Variants in SSBP2 observed in about 807,000 individuals in gnomAD.
The protein encoded by SSBP2 is single stranded DNA binding protein 2, also known as single-stranded DNA-binding protein 2.
Under a neutral mutation model 61.8 loss-of-function variants are expected in SSBP2, and 17 were observed. The ratio of observed to expected loss-of-function variants is 0.28; its 90% CI spans 0.19 to 0.41. SSBP2 has a LOEUF of 0.41. SSBP2 is among the 10% of genes least tolerant of loss of function. The pLI is 1.00. For synonymous variants in SSBP2, 139 were observed against 141.3 expected (o/e 0.98, Z 0.12); for missense variants, 310 against 458.7 (o/e 0.68, Z 2.96).
chr5:81,719,303 C>T (rs1755387134), intron 1 of SSBP2, among the ~76,000 whole-genome samples: 1 of 152,186 alleles, frequency 6.6e-6, no homozygotes, highest in Admixed American at 6.5e-5. Context: ...TCCCCATGCC[C>T]ATCCCCGCTT....
chr5:81,701,887 T>C (rs1405386922), intron 1 of SSBP2, among the ~76,000 whole-genome samples: 1 of 152,228 alleles, frequency 6.6e-6, no homozygotes, highest in African/African-American at 2.4e-5. Context: ...CTCAGAACCC[T>C]GTTAACCAAC....
At chr5:81,595,409 G>C (rs1743619595) in intron 4 of SSBP2, among the ~76,000 whole-genome samples, 1 of 152,132 alleles carries the variant, frequency 6.6e-6, no homozygotes, top group Non-Finnish European at 1.5e-5. Flanking sequence ...TTCTACCAGA[G>C]GTACAAAGAG....
At chr5:81,456,100 T>C (rs1764126114) in intron 10 of SSBP2, among the ~76,000 whole-genome samples, 1 of 152,162 alleles carries the variant, frequency 6.6e-6, no homozygotes, top group African/African-American at 2.4e-5. Flanking sequence ...AAATATTCTA[T>C]TTTAGTGCTT....
chr5:81,477,761 C>T (rs1396810132), intron 6 of SSBP2, among the ~76,000 whole-genome samples: 3 of 151,988 alleles, frequency 2.0e-5, no homozygotes, highest in Non-Finnish European at 4.4e-5. Flanking sequence ...CTGTAAACTC[C>T]GCAAAAGTAG....
intron 1 of SSBP2, among the ~76,000 whole-genome samples, chr5:81,668,090 A>C (rs1751296120): frequency 6.6e-6 from 1 of 152,074 alleles, no homozygotes; most frequent in East Asian, 1.9e-4. Context: ...GAAAATTAGC[A>C]CTGCTTCGTG....
intron 5 of SSBP2, 60 bp from the exon 6 acceptor site, chr5:81,489,369 T>C: frequency 2.1e-6 from 3 of 1,397,298 alleles, no homozygotes; most frequent in Admixed American, 2.6e-5. Flanking sequence ...AAAATACATA[T>C]CTGAAAATAA....
intron 10 of SSBP2, among the ~76,000 whole-genome samples, chr5:81,450,129 C>T (rs1323838092): frequency 2.0e-5 from 3 of 152,136 alleles, no homozygotes; most frequent in Non-Finnish European, 4.4e-5. Context: ...CTCCTGGGCT[C>T]AAGCAATCCT....
intron 10 of SSBP2, 43 bp from the exon 11 acceptor site, chr5:81,448,868 A>G: frequency 6.9e-7 from 1 of 1,441,422 alleles, no homozygotes; most frequent in South Asian, 1.2e-5. Flanking sequence ...TTCATGTAGC[A>G]ATATGGACAC....
intron 4 of SSBP2, among the ~76,000 whole-genome samples, chr5:81,519,989 C>CTT (rs889340422): frequency 5.6e-5 from 8 of 143,442 alleles, no homozygotes; most frequent in Non-Finnish European, 7.6e-5. Flanking sequence ...TTTCCCCCCT[C>CTT]TTTTTTTTTT....
intron 16 of SSBP2, among the ~76,000 whole-genome samples, chr5:81,427,341 T>C (rs1020453990): frequency 1.3e-5 from 2 of 152,158 alleles, no homozygotes; most frequent in Non-Finnish European, 2.9e-5. Flanking sequence ...AACTGTAAAC[T>C]GTTACACATA....
At chr5:81,458,222 G>C (rs1764298406) in intron 10 of SSBP2, among the ~76,000 whole-genome samples, 1 of 152,158 alleles carries the variant, frequency 6.6e-6, no homozygotes, top group Admixed American at 6.5e-5. Context: ...TCTTTTGTTT[G>C]AAAAGATTAT....
intron 1 of SSBP2, among the ~76,000 whole-genome samples, chr5:81,728,119 G>C (rs536192424): frequency 1.3e-5 from 2 of 152,180 alleles, no homozygotes; most frequent in Non-Finnish European, 2.9e-5. Context: ...AGATAATTCA[G>C]CGTCCTGTGA....
At chr5:81,646,633 T>A in intron 2 of SSBP2, among the ~76,000 whole-genome samples, 1 of 144,582 alleles carries the variant, frequency 6.9e-6, no homozygotes. Flanking sequence ...TTTTTTACCA[T>A]CCATGGTTAG....
chr5:81,740,500 G>C (rs2154019381), intron 1 of SSBP2, among the ~76,000 whole-genome samples: 1 of 152,202 alleles, frequency 6.6e-6, no homozygotes, highest in South Asian at 2.1e-4. Context: ...TTACAGAAAT[G>C]ACTAGGTAAT....
intron 6 of SSBP2, among the ~76,000 whole-genome samples, chr5:81,488,137 TTTA>T (rs1278808603): frequency 6.8e-6 from 1 of 147,770 alleles, no homozygotes; most frequent in Non-Finnish European, 1.5e-5. Flanking sequence ...TAAAGTTAGG[TTTA>T]TTCCATATTT....
rs538454206 is a variant in SSBP2, at chr5:81,726,217, T to C, written c.62+24764A>G. ...TGAGGAGTTTGATGAATTCAACTTT[T>C]TGCACCTGAGGTCAGAAAAGAAACA... On this transcript the variant is annotated intron_variant, in intron 1 of 16. Coordinates refer to ENST00000320672, the MANE Select transcript of SSBP2 (RefSeq NM_012446.5). 2.6e-5 allele frequency among the ~76,000 whole-genome samples: 4 copies of C among 152,276 alleles called. No individual in the cohort carries two copies. The South Asian group carries it at 8.3e-4, about 32-fold the overall frequency.
intron 1 of SSBP2, among the ~76,000 whole-genome samples, chr5:81,737,612 C>T (rs534301316): frequency 1.7e-3 from 227 of 130,792 alleles, no homozygotes; most frequent in African/African-American, 6.5e-3. Flanking sequence ...GAAACCCCGT[C>T]TCTACTAAAA....
chr5:81,733,151 T>C (rs538567872), intron 1 of SSBP2, among the ~76,000 whole-genome samples: 3 of 152,152 alleles, frequency 2.0e-5, no homozygotes, highest in Non-Finnish European at 1.5e-5. Flanking sequence ...CCTCCAATAA[T>C]AGATAAAAAT....
intron 4 of SSBP2, among the ~76,000 whole-genome samples, chr5:81,589,077 CA>C (rs1415785258): frequency 6.6e-6 from 1 of 151,914 alleles, no homozygotes; most frequent in Non-Finnish European, 1.5e-5. Context: ...AACAAACAAA[CA>C]AAAAACAAAC....
Sources: gnomAD v4.1 joint callset for allele counts (sites outside exome capture counted in the v4.1 genomes callset) on GRCh38, gnomAD v4.1.1 for gene constraint, MANE v1.5 for transcripts, NCBI Gene and HGNC (gene_info 2026-07-23, HGNC 2026-07-21) for gene names.